PLXDC2: variants seen among roughly 807,000 people sequenced by gnomAD.
PLXDC2 encodes the protein plexin domain-containing protein 2.
Under a neutral mutation model 68.9 loss-of-function variants are expected in PLXDC2, and 40 were observed. The ratio of observed to expected loss-of-function variants is 0.58; its 90% CI spans 0.45 to 0.76. The LOEUF (loss-of-function observed/expected upper bound fraction) is 0.76. Among genes scored for constraint, PLXDC2 ranks in the 30% least tolerant of loss-of-function variants. PLXDC2 has a pLI of 0.00. For synonymous variants in PLXDC2, 243 were observed against 234.2 expected (o/e 1.04, Z -0.34); for missense variants, 644 against 661.9 (o/e 0.97, Z 0.30).
chr10:20,060,521 C>T (rs1189426771), intron 3 of PLXDC2, among the ~76,000 whole-genome samples: 4 of 144,740 alleles, frequency 2.8e-5, no homozygotes, highest in Non-Finnish European at 4.5e-5. Flanking sequence ...GTCATTGAGG[C>T]TGGGCTGGTC....
chr10:19,835,499 G>A (rs907869771), intron 1 of PLXDC2, among the ~76,000 whole-genome samples: 6 of 152,184 alleles, frequency 3.9e-5, no homozygotes, highest in African/African-American at 1.4e-4. Flanking sequence ...AGTGAAGACA[G>A]CAACTCTCCC....
At chr10:20,027,692 G>GA (rs60603741) in intron 2 of PLXDC2, among the ~76,000 whole-genome samples, 99,341 of 142,158 alleles carry the variant, frequency 0.7, 34,744 homozygotes, top group East Asian at 0.88. Flanking sequence ...GGGACAACCT[G>GA]AAAAAAAAAA....
chr10:20,114,998 G>A (rs1833603880), intron 4 of PLXDC2, among the ~76,000 whole-genome samples: 1 of 152,186 alleles, frequency 6.6e-6, no homozygotes, highest in Non-Finnish European at 1.5e-5. Flanking sequence ...TCCAACCAAT[G>A]AGGAGATAAA....
rs1203879626 is a variant in PLXDC2 at position 19,840,881 on chromosome 10, A to G, written c.112+23690A>G. 2.6e-5 allele frequency among the ~76,000 whole-genome samples: 4 copies of G among 152,154 alleles called. No individual in the cohort carries two copies. The East Asian group carries it at 7.7e-4, about 29-fold the overall frequency. ...TGATTAGATATATACTATTCATGTC[A>G]TTTGCTATTATCAGAGAACTGATTA... is the stretch of plus-strand genomic sequence containing the variant. On this transcript the variant is annotated intron_variant, in intron 1 of 13. Transcript: ENST00000377252.
intron 1 of PLXDC2, among the ~76,000 whole-genome samples, chr10:19,880,781 C>A (rs1055812924): frequency 1.3e-5 from 2 of 152,122 alleles, no homozygotes; most frequent in Non-Finnish European, 2.9e-5. Context: ...GCTGTTATTA[C>A]CCCCAGAATG....
At chr10:20,243,824 C>T (rs779257820) in intron 12 of PLXDC2, among the ~76,000 whole-genome samples, 7 of 152,006 alleles carry the variant, frequency 4.6e-5, no homozygotes, top group African/African-American at 7.2e-5. Context: ...TTTGGGAGGC[C>T]GAGGTGGGTG....
At chr10:20,129,795 A>G (rs932918488) in intron 4 of PLXDC2, among the ~76,000 whole-genome samples, 2 of 152,002 alleles carry the variant, frequency 1.3e-5, no homozygotes, top group African/African-American at 2.4e-5. Context: ...TGTTCTTGTC[A>G]TAGTTGTTGA....
Position 20,067,704 on chromosome 10 carries a change from A to AT in PLXDC2, c.472-464dup, listed in dbSNP as rs1351802593. On this transcript the variant is annotated intron_variant, in intron 3 of 13. Transcript: ENST00000377252. Reference sequence around the variant, plus strand: ...CTCCGACTCAAAAAAAAAAAAAAAAATTCTGCAGGTCTAGATCCACCAGTG... The same window carrying AT: ...CTCCGACTCAAAAAAAAAAAAAAAAATTTCTGCAGGTCTAGATCCACCAGTG... Among the ~76,000 whole-genome samples, 3 of 151,872 alleles carry AT rather than the reference A, an allele frequency of 2.0e-5. No homozygotes were observed. The East Asian group carries it at 5.8e-4, about 29-fold the overall frequency.
intron 4 of PLXDC2, among the ~76,000 whole-genome samples, chr10:20,094,475 G>A (rs1012955619): frequency 6.6e-6 from 1 of 152,130 alleles, no homozygotes; most frequent in Non-Finnish European, 1.5e-5. Context: ...TTGTGCTCTC[G>A]AAGTGATTCA....
At chr10:20,238,321 AT>A (rs1835461101) in intron 12 of PLXDC2, among the ~76,000 whole-genome samples, 1 of 151,148 alleles carries the variant, frequency 6.6e-6, no homozygotes, top group African/African-American at 2.4e-5. Flanking sequence ...GGTCTTGAAT[AT>A]TTTCTAGTAT....
At chr10:19,918,934 T>C (rs575128778) in intron 1 of PLXDC2, among the ~76,000 whole-genome samples, 1 of 152,354 alleles carries the variant, frequency 6.6e-6, no homozygotes, top group South Asian at 2.1e-4. Context: ...GTATTAAGTA[T>C]AAATCTGCAT....
At chr10:20,176,585 C>T (rs1331172772) in intron 7 of PLXDC2, among the ~76,000 whole-genome samples, 1 of 152,086 alleles carries the variant, frequency 6.6e-6, no homozygotes, top group Non-Finnish European at 1.5e-5. Context: ...TCTCCATTAA[C>T]TTTATTTAGA....
At chr10:20,030,094 A>T (rs536502298) in intron 2 of PLXDC2, among the ~76,000 whole-genome samples, 12 of 152,214 alleles carry the variant, frequency 7.9e-5, no homozygotes, top group African/African-American at 2.9e-4. Context: ...TAAGAGTATT[A>T]TGAAATAATG....
intron 13 of PLXDC2, among the ~76,000 whole-genome samples, chr10:20,247,371 G>A (rs2119339791): frequency 6.6e-6 from 1 of 152,104 alleles, no homozygotes; most frequent in Admixed American, 6.5e-5. Flanking sequence ...AAGCTACTTG[G>A]GAGGCTGAAA....
intron 4 of PLXDC2, among the ~76,000 whole-genome samples, chr10:20,136,055 A>G (rs988140682): frequency 2.0e-5 from 3 of 152,164 alleles, no homozygotes; most frequent in African/African-American, 7.2e-5. Flanking sequence ...GTGATTGACA[A>G]TATTATAGTT....
chr10:20,122,895 C>A (rs940539001), intron 4 of PLXDC2, among the ~76,000 whole-genome samples: 27 of 152,084 alleles, frequency 1.8e-4, no homozygotes, highest in Non-Finnish European at 3.8e-4. Flanking sequence ...GCCTTTTGAC[C>A]TTTTAGGGTC....
intron 1 of PLXDC2, among the ~76,000 whole-genome samples, chr10:19,846,390 G>A (rs968592852): frequency 3.9e-5 from 6 of 152,082 alleles, no homozygotes; most frequent in African/African-American, 1.2e-4. Flanking sequence ...ATTAAATCTC[G>A]AGGAGGGAAA....
At position 20,282,173 on chromosome 10, in the gene PLXDC2, G is replaced by A. The variant is rs932892443; in HGVS notation, c.*2354G>A. 5 of 152,114 alleles carry A rather than the reference G, an allele frequency of 3.3e-5. No homozygotes were observed. In the East Asian group the frequency reaches 9.6e-4, roughly 29 times the overall value. 9.4% of individuals were successfully genotyped at this position (152,114 alleles called of 1,614,324 possible). A position where few individuals can be genotyped will look rare whatever the true frequency, so the allele number is the denominator to read the frequency against. On this transcript the variant is annotated 3_prime_UTR_variant, in exon 14 of 14. Coordinates refer to ENST00000377252, the MANE Select transcript of PLXDC2 (RefSeq NM_032812.9). ...AGAAAACTTCTTGAAACTGGAGTGT[G>A]GGAAAACTTCTTAACAGAACTAAGA... is the stretch of plus-strand genomic sequence containing the variant.
chr10:20,132,841 T>A (rs1833885899), intron 4 of PLXDC2, among the ~76,000 whole-genome samples: 1 of 152,172 alleles, frequency 6.6e-6, no homozygotes, highest in African/African-American at 2.4e-5. Flanking sequence ...TTTAAAGTAA[T>A]TATTTACAGG....
Sources: gnomAD v4.1 joint callset for allele counts (sites outside exome capture counted in the v4.1 genomes callset) on GRCh38, gnomAD v4.1.1 for gene constraint, MANE v1.5 for transcripts, NCBI Gene and HGNC (gene_info 2026-07-23, HGNC 2026-07-21) for gene names.